WWP1: variants seen among roughly 807,000 people sequenced by gnomAD.
WWP1 encodes the protein NEDD4-like E3 ubiquitin-protein ligase WWP1.
Under a neutral mutation model 130.6 loss-of-function variants are expected in WWP1, and 49 were observed. That is an observed-to-expected ratio of 0.38 (90% confidence interval 0.30 to 0.48). The LOEUF (loss-of-function observed/expected upper bound fraction) is 0.48, where lower values mean the gene tolerates loss of function less well. Ranked by LOEUF, WWP1 falls within the 20% of genes least tolerant of loss-of-function variation. The pLI, the probability that WWP1 is intolerant of heterozygous loss-of-function variation, is 0.99. For synonymous variants in WWP1, 332 were observed against 367.8 expected (o/e 0.90, Z 1.11); for missense variants, 809 against 1,100.6 (o/e 0.74, Z 3.75).
intron 17 of WWP1, chr8:86,440,476 T>C (rs1490661871): frequency 4.5e-6 from 1 of 223,266 alleles, no homozygotes; most frequent in African/African-American, 2.3e-5. Flanking sequence ...ACTCAGACAT[T>C]GCTTTACTGT....
intron 1 of WWP1, among the ~76,000 whole-genome samples, chr8:86,348,208 T>A (rs1336026635): frequency 1.3e-5 from 2 of 152,160 alleles, no homozygotes; most frequent in Non-Finnish European, 2.9e-5. Flanking sequence ...TGATTTAGTC[T>A]TGACATTTCT....
chr8:86,465,708 CAG>C (rs1395022312), intron 24 of WWP1, among the ~76,000 whole-genome samples: 4 of 152,200 alleles, frequency 2.6e-5, no homozygotes, highest in African/African-American at 7.2e-5. Flanking sequence ...TGTAAGAGAA[CAG>C]AAAGTGACTG....
chr8:86,362,077 T>C (rs58359844), intron 1 of WWP1, among the ~76,000 whole-genome samples: 6 of 109,486 alleles, frequency 5.5e-5, no homozygotes, highest in South Asian at 5.7e-4. Flanking sequence ...TATATACACA[T>C]ATATACACAC....
chr8:86,374,001 C>G (rs1457323325), intron 2 of WWP1, 29 bp from the exon 3 acceptor site: 2 of 1,513,534 alleles, frequency 1.3e-6, no homozygotes, highest in Non-Finnish European at 1.8e-6. Context: ...TTATCTAACA[C>G]ATGAATAAAT....
At chr8:86,462,340 C>T (rs1431529261) in intron 24 of WWP1, among the ~76,000 whole-genome samples, 2 of 152,128 alleles carry the variant, frequency 1.3e-5, no homozygotes, top group Non-Finnish European at 2.9e-5. Flanking sequence ...AGAGAAAGAG[C>T]ATTCTTTGAA....
intron 22 of WWP1, among the ~76,000 whole-genome samples, chr8:86,459,861 T>C (rs1811664314): frequency 6.6e-6 from 1 of 152,216 alleles, no homozygotes; most frequent in East Asian, 1.9e-4. Context: ...CTGAATTGGG[T>C]TTCTTTTAGG....
At chr8:86,466,753 T>C in intron 24 of WWP1, 41 bp from the exon 25 acceptor site, 4 of 1,361,086 alleles carry the variant, frequency 2.9e-6, no homozygotes, top group Non-Finnish European at 3.0e-6. Flanking sequence ...ATTTTTTTCA[T>C]TTTATTGAAA....
chr8:86,361,617 C>T (rs1161819743), intron 1 of WWP1, among the ~76,000 whole-genome samples: 2 of 151,960 alleles, frequency 1.3e-5, no homozygotes, highest in Non-Finnish European at 2.9e-5. Context: ...TTATGTTAGT[C>T]ATCTCACCTC....
chr8:86,467,019 T>G lies in WWP1; in HGVS notation c.*126T>G. ...TTTCCGAACCTCTCAAAGTATGTTT[T>G]CCGTTCTTCCACAGAAATATGCAAA... On this transcript the variant is annotated 3_prime_UTR_variant, in exon 25 of 25. Coordinates refer to ENST00000517970, the MANE Select transcript of WWP1 (RefSeq NM_007013.4). 1.5e-6 allele frequency: 1 copy of G among 682,880 alleles called. No homozygotes were observed. Among genetic ancestry groups the G allele is most frequent in the South Asian group, 1.8e-5 (1 of 54,184 alleles). The allele number at this position is 682,880 out of a possible 1,614,324, so 42.3% of individuals were successfully genotyped here.
chr8:86,398,668 G>A (rs557747548), intron 7 of WWP1, 30 bp downstream of exon 7: 132 of 1,601,458 alleles, frequency 8.2e-5, no homozygotes, highest in Non-Finnish European at 1.0e-4. Context: ...TATGGGTGGC[G>A]ACATGATGTG....
chr8:86,381,459 G>A, intron 4 of WWP1, 46 bp from the exon 5 acceptor site: 1 of 1,557,118 alleles, frequency 6.4e-7, no homozygotes, highest in Non-Finnish European at 8.6e-7. Flanking sequence ...TTAATAGAAT[G>A]ACAACGTCTA....
At chr8:86,450,301 A>G (rs1811105752) in intron 20 of WWP1, among the ~76,000 whole-genome samples, 2 of 152,012 alleles carry the variant, frequency 1.3e-5, no homozygotes, top group African/African-American at 4.8e-5. Context: ...ATACTTTTGT[A>G]CTCTGTTAGG....
chr8:86,466,937 C>T lies in WWP1; in HGVS notation c.*44C>T. 6 of 1,463,990 alleles carry T rather than the reference C, an allele frequency of 4.1e-6. No homozygotes were observed. Among genetic ancestry groups the T allele is most frequent in the Non-Finnish European group, 4.7e-6 (5 of 1,054,902 alleles). 90.7% of individuals were successfully genotyped at this position (1,463,990 alleles called of 1,614,324 possible). ...GAGGAGCTCTTGCATTTAAATACCCCAGCCAAGAAAAATTGCACAGATAGT... is the reference window on the plus strand; with the variant it reads ...GAGGAGCTCTTGCATTTAAATACCCTAGCCAAGAAAAATTGCACAGATAGT... On this transcript the variant is annotated 3_prime_UTR_variant, in exon 25 of 25. Coordinates refer to ENST00000517970, the MANE Select transcript of WWP1 (RefSeq NM_007013.4).
chr8:86,389,624 C>CA (rs1280372116), intron 5 of WWP1, among the ~76,000 whole-genome samples: 1 of 152,222 alleles, frequency 6.6e-6, no homozygotes, highest in East Asian at 1.9e-4. Context: ...TTCTATTCGA[C>CA]AAAACCCCCA....
At chr8:86,456,833 A>G (rs902451788) in intron 21 of WWP1, among the ~76,000 whole-genome samples, 6 of 152,006 alleles carry the variant, frequency 3.9e-5, no homozygotes, top group Admixed American at 3.9e-4. Flanking sequence ...TGAGTGGGAA[A>G]AACAAAAGAG....
At chr8:86,346,582 A>C (rs977639037) in intron 1 of WWP1, among the ~76,000 whole-genome samples, 53 of 152,218 alleles carry the variant, frequency 3.5e-4, no homozygotes, top group African/African-American at 1.3e-3. Context: ...GTACGGTTAA[A>C]GTGTAGTGCG....
intron 20 of WWP1, among the ~76,000 whole-genome samples, chr8:86,450,721 A>C (rs1811128970): frequency 6.6e-6 from 1 of 152,156 alleles, no homozygotes; most frequent in African/African-American, 2.4e-5. Flanking sequence ...GCTCTTGAAA[A>C]TTATATGATA....
chr8:86,385,602 C>T (rs1364723369), intron 5 of WWP1, among the ~76,000 whole-genome samples: 1 of 151,958 alleles, frequency 6.6e-6, no homozygotes, highest in African/African-American at 2.4e-5. Flanking sequence ...TGTGGGGGCT[C>T]TCAAGGGTAA....
At chr8:86,404,578 C>T (rs952196008) in intron 8 of WWP1, among the ~76,000 whole-genome samples, 1 of 152,124 alleles carries the variant, frequency 6.6e-6, no homozygotes, top group African/African-American at 2.4e-5. Flanking sequence ...CATGAAGGTT[C>T]CATCATAAAT....
Sources: gnomAD v4.1 joint callset for allele counts (sites outside exome capture counted in the v4.1 genomes callset) on GRCh38, gnomAD v4.1.1 for gene constraint, MANE v1.5 for transcripts, NCBI Gene and HGNC (gene_info 2026-07-23, HGNC 2026-07-21) for gene names.